The following SLC13A5 variants were observed in gnomAD, a reference collection of about 807,000 sequenced individuals.
SLC13A5 encodes solute carrier family 13 member 5, also known as Na(+)/citrate cotransporter.
In SLC13A5, 25 loss-of-function variants were observed where a neutral mutation model predicts 56.5. The ratio of observed to expected loss-of-function variants is 0.44; its 90% CI spans 0.32 to 0.62. SLC13A5 has a LOEUF of 0.62. Ranked by LOEUF, SLC13A5 falls within the 20% of genes least tolerant of loss-of-function variation. SLC13A5 has a pLI of 0.04. For synonymous variants in SLC13A5, 307 were observed against 301.5 expected, an observed-to-expected ratio of 1.02 and a Z score of -0.19; for missense variants, 649 against 737.8, an observed-to-expected ratio of 0.88 and a Z score of 1.39.
Position 6,706,721 on chromosome 17 carries a change from C to T in SLC13A5, c.289G>A (p.Ala97Thr), listed in dbSNP as rs1597676768. Residue 97 changes from alanine (A) to threonine (T), a missense_variant, in exon 3 of 12, where the codon GCC (alanine) becomes ACC (threonine). Ala to Thr is a moderately conservative substitution (Grantham distance 58, BLOSUM62 0). Transcript: ENST00000433363. Reference protein sequence around the residue: ...NMLFLGGLIVAVAVERWNLHK... With the variant: ...NMLFLGGLIVTVAVERWNLHK... Reference sequence around the variant, plus strand: ...AGGTTCCAGCGCTCCACAGCCACGGCCACGATGAGGCCGCCCAGGAACAGC... The same window carrying T: ...AGGTTCCAGCGCTCCACAGCCACGGTCACGATGAGGCCGCCCAGGAACAGC... The T allele has an allele frequency of 1.2e-6, 2 of 1,614,100 alleles. No individual in the cohort carries two copies. Among genetic ancestry groups the T allele is most frequent in the Non-Finnish European group, 1.7e-6 (2 of 1,180,004 alleles).
rs1343665704 is a variant in SLC13A5, at chr17:6,692,579, G to C, written c.1275+465C>G. ...AGGAGGTAAAGAAAGTTATATTTTT[G>C]TGTGTTTTCCAACATGTTCCTCACC... On this transcript the variant is annotated intron_variant, in intron 9 of 11. Transcript: ENST00000433363. This position sits in a 1 kb window ranked among gnomAD's most constrained non-coding sequence, Gnocchi z 5.5. Among the ~76,000 whole-genome samples the C allele has an allele frequency of 6.6e-6, 1 of 152,188 alleles. No individual in the cohort carries two copies. The highest frequency in any genetic ancestry group is 6.5e-5 in the Admixed American group (1 of 15,288).
chr17:6,707,559 G>C (rs148501410), intron 1 of SLC13A5, among the ~76,000 whole-genome samples: 44 of 152,264 alleles, frequency 2.9e-4, no homozygotes, highest in African/African-American at 9.9e-4. Context: ...GGATGGAGAA[G>C]GAAGAAAAGA....
chr17:6,706,695 C>T lies in SLC13A5; in HGVS notation c.315G>A (p.Leu105=). 1 of 1,613,932 alleles carries T rather than the reference C, an allele frequency of 6.2e-7. No individual in the cohort carries two copies. Among genetic ancestry groups the T allele is most frequent in the Non-Finnish European group, 8.5e-7 (1 of 1,179,958 alleles). ...IVAVAVERWN[L]HKRIALRTLL... ...GCGTGCGCAGGGCGATCCTCTTGTG[C>T]AGGTTCCAGCGCTCCACAGCCACGG... The change falls in exon 3 of 12, where the codon CTG becomes CTA. Residue 105 remains leucine, a synonymous_variant. Coordinates refer to ENST00000433363, the MANE Select transcript of SLC13A5 (RefSeq NM_177550.5).
intron 1 of SLC13A5, among the ~76,000 whole-genome samples, chr17:6,708,742 A>G (rs989284417): frequency 5.3e-5 from 8 of 152,334 alleles, no homozygotes; most frequent in Non-Finnish European, 8.8e-5. Flanking sequence ...TCAGGGTACA[A>G]GGTGGAAACC....
Position 6,690,874 on chromosome 17 carries a change from T to C in SLC13A5, c.1342A>G (p.Ile448Val). The C allele has an allele frequency of 6.2e-7, 1 of 1,614,224 alleles. No homozygotes were observed. Among genetic ancestry groups the C allele is most frequent in the Non-Finnish European group, 8.5e-7 (1 of 1,180,034 alleles). The change falls in exon 10 of 12, where the codon ATC becomes GTC. Residue 448 changes from isoleucine to valine, a missense_variant. Coordinates refer to ENST00000433363, the MANE Select transcript of SLC13A5 (RefSeq NM_177550.5). Reference protein sequence around the residue: ...EPLHAVPPAAITLILSLLVAV... With the variant: ...EPLHAVPPAAVTLILSLLVAV... Reference sequence around the variant, plus strand: ...ACGAGCAAGGACAAGATCAAGGTGATGGCTGCCGGGGGCACTGCGTGCAAG... The same window carrying C: ...ACGAGCAAGGACAAGATCAAGGTGACGGCTGCCGGGGGCACTGCGTGCAAG...
rs1973223072 is a variant in SLC13A5, at chr17:6,685,618, CAGG to C, written c.*586_*588del. 1 of 154,416 alleles carries C rather than the reference CAGG, an allele frequency of 6.5e-6. No individual in the cohort carries two copies. Among genetic ancestry groups the C allele is most frequent in the Non-Finnish European group, 1.4e-5 (1 of 69,362 alleles). The allele number at this position is 154,416 out of a possible 1,614,324, so 9.6% of individuals were successfully genotyped here. ...ATTCCTCATCCTTTGGTGGTGGCCACAGGAGGAGTTCCCAGAGGCTTCAGGAGG... is the reference window on the plus strand; with the variant it reads ...ATTCCTCATCCTTTGGTGGTGGCCACAGGAGTTCCCAGAGGCTTCAGGAGG... On this transcript the variant is annotated 3_prime_UTR_variant, in exon 12 of 12. Coordinates refer to ENST00000433363, the MANE Select transcript of SLC13A5 (RefSeq NM_177550.5). This position sits in a 1 kb window ranked among gnomAD's most constrained non-coding sequence, Gnocchi z 4.2.
Position 6,706,676 on chromosome 17 carries a change from G to A in SLC13A5, c.334C>T (p.Arg112Cys), listed in dbSNP as rs372771266. The change falls in exon 3 of 12, where the codon CGC becomes TGC. Residue 112 changes from arginine (R) to cysteine (C), a missense_variant. By Grantham distance (180) the Arg-to-Cys change is radical. Transcript: ENST00000433363. The part of the protein sequence containing the change: ...RWNLHKRIAL[R>C]TLLWVGAKPA... ...TTGGCCCCCACCCAGAGGAGCGTGCGCAGGGCGATCCTCTTGTGCAGGTTC... is the reference window on the plus strand; with the variant it reads ...TTGGCCCCCACCCAGAGGAGCGTGCACAGGGCGATCCTCTTGTGCAGGTTC... 4.5e-5 allele frequency: 73 copies of A among 1,613,728 alleles called. No homozygotes were observed. Among genetic ancestry groups the A allele is most frequent in the Non-Finnish European group, 5.5e-5 (65 of 1,179,946 alleles).
At chr17:6,698,409 G>T (rs1172694839) in intron 6 of SLC13A5, among the ~76,000 whole-genome samples, 1 of 152,238 alleles carries the variant, frequency 6.6e-6, no homozygotes, top group Non-Finnish European at 1.5e-5. Flanking sequence ...AGAAGCTGAT[G>T]GTGCCCTTGC....
rs1248559948 is a variant in SLC13A5, at chr17:6,711,653, CTG to C, written c.102+1577_102+1578del. Among the ~76,000 whole-genome samples, 2 of 146,552 alleles carry C rather than the reference CTG, an allele frequency of 1.4e-5. No homozygotes were observed. Among genetic ancestry groups the C allele is most frequent in the East Asian group, 2.0e-4 (1 of 4,986 alleles). On this transcript the variant is annotated intron_variant, in intron 1 of 11. Coordinates refer to ENST00000433363, the MANE Select transcript of SLC13A5 (RefSeq NM_177550.5). The surrounding 1 kb of genome is among the most constrained non-coding windows in gnomAD (Gnocchi z 4.0). ...GTTTGTGCGTGTGTTTTGTGTGTGT[CTG>C]TGTGTTTGTGTGTGTGTCTGTGTGT...
rs11869296 is a variant in SLC13A5, at chr17:6,695,637, C to G, written c.1055+89G>C. The G allele has an allele frequency of 2.1e-3, 2,852 of 1,344,906 alleles. 43 individuals are homozygous for G. The African/African-American group carries it at 0.035, about 17-fold the overall frequency. 83.3% of individuals were successfully genotyped at this position (1,344,906 alleles called of 1,614,324 possible). A position where few individuals can be genotyped will look rare whatever the true frequency, so the allele number is the denominator to read the frequency against. On this transcript the variant is annotated intron_variant, in intron 7 of 11. Transcript: ENST00000433363. Reference sequence around the variant, plus strand: ...ATCTCCTGACCTCAAGTGACCCACCCACCTCAGCCTCCCAAAGTGCTGGGA... The same window carrying G: ...ATCTCCTGACCTCAAGTGACCCACCGACCTCAGCCTCCCAAAGTGCTGGGA...
At position 6,699,764 on chromosome 17, in the gene SLC13A5, C is replaced by G. The variant is rs544310181; in HGVS notation, c.839+1240G>C. On this transcript the variant is annotated intron_variant, in intron 6 of 11. Transcript: ENST00000433363. ...GGGATTTCAGGCGTGGGCTACCACG[C>G]CCGGCTAATTTTTGTATTTTTAGTA... Among the ~76,000 whole-genome samples the G allele has an allele frequency of 4.2e-3, 641 of 152,278 alleles. 7 individuals carry two copies. The highest frequency in any genetic ancestry group is 0.014 in the African/African-American group (601 of 41,556).
At chr17:6,702,316 C>T (rs1039036425) in intron 5 of SLC13A5, among the ~76,000 whole-genome samples, 8 of 152,212 alleles carry the variant, frequency 5.3e-5, no homozygotes, top group African/African-American at 1.9e-4. Context: ...ATGACTACCC[C>T]GCGGCAGGGC....
At position 6,695,707 on chromosome 17, in the gene SLC13A5, T is replaced by C. The variant is rs1567617688; in HGVS notation, c.1055+19A>G. On this transcript the variant is annotated intron_variant, in intron 7 of 11. Coordinates refer to ENST00000433363, the MANE Select transcript of SLC13A5 (RefSeq NM_177550.5). ...CGCCTGGCCCTAAGCCAGCGATTTC[T>C]ATTGAATCCAAGACTTACTTTGTCT... 6.2e-7 allele frequency: 1 copy of C among 1,613,474 alleles called. No individual in the cohort carries two copies. The highest frequency in any genetic ancestry group is 8.5e-7 in the Non-Finnish European group (1 of 1,179,494).
intron 3 of SLC13A5, 45 bp from the exon 4 acceptor site, chr17:6,704,101 A>ACCC (rs777944751): frequency 1.9e-6 from 3 of 1,568,980 alleles, no homozygotes; most frequent in Non-Finnish European, 2.6e-6. Flanking sequence ...TCCCCACCCC[A>ACCC]CCCCCGTACT....
intron 1 of SLC13A5, among the ~76,000 whole-genome samples, chr17:6,709,403 G>A (rs755215963): frequency 1.3e-5 from 2 of 152,048 alleles, no homozygotes; most frequent in Non-Finnish European, 2.9e-5. Context: ...CTGAGTAGCT[G>A]GGACTACAGA....
At chr17:6,704,094 C>G (rs764764236) in intron 3 of SLC13A5, 38 bp from the exon 4 acceptor site, 11 of 1,581,802 alleles carry the variant, frequency 7.0e-6, no homozygotes, top group Admixed American at 1.8e-5. Context: ...CAGAGAATCC[C>G]CACCCCACCC....
At position 6,693,091 on chromosome 17, in the gene SLC13A5, T is replaced by A. The variant is rs775694496; in HGVS notation, c.1228A>T (p.Ile410Phe). Reference sequence around the variant, plus strand: ...AATCCGCCCCCTAGTAGCAGCACGATGCCCCAGGGCACTTTCTCCTGGGTT... The same window carrying A: ...AATCCGCCCCCTAGTAGCAGCACGAAGCCCCAGGGCACTTTCTCCTGGGTT... ...KVTQEKVPWG[I>F]VLLLGGGFAL... Residue 410 changes from isoleucine (I) to phenylalanine (F), a missense_variant, in exon 9 of 12, where the codon ATC becomes TTC. Physicochemically the swap from Ile to Phe is conservative, Grantham distance 21. Transcript: ENST00000433363. The A allele has an allele frequency of 6.2e-7, 1 of 1,613,910 alleles. No individual in the cohort carries two copies. The highest frequency in any genetic ancestry group is 8.5e-7 in the Non-Finnish European group (1 of 1,179,992).
In SLC13A5 at chr17:6,694,159, G is replaced by A. The variant is rs760586654; in HGVS notation, c.1094C>T (p.Thr365Ile). The change falls in exon 8 of 12, where the codon ACC (threonine) becomes ATC (isoleucine). Residue 365 changes from threonine to isoleucine, a missense_variant. Physicochemically the swap from Thr to Ile is moderately conservative, Grantham distance 89. Coordinates refer to ENST00000433363, the MANE Select transcript of SLC13A5 (RefSeq NM_177550.5). Reference protein sequence around the residue: ...SDATVAIFVATLLFIVPSQKP... With the variant: ...SDATVAIFVAILLFIVPSQKP... ...CTGTGAAGGCACAATGAATAGCAGG[G>A]TGGCCACAAAGATGGCCACAGTGGC... 4.3e-6 allele frequency: 7 copies of A among 1,613,340 alleles called. No homozygotes were observed. In the South Asian group the frequency reaches 4.4e-5, roughly 10 times the overall value.
chr17:6,686,493 G>T, intron 11 of SLC13A5, 155 bp from the exon 12 acceptor site: 2 of 836,324 alleles, frequency 2.4e-6, no homozygotes, highest in Non-Finnish European at 3.7e-6. Flanking sequence ...GCGACTTCAT[G>T]TCCCCCAGGT....
Sources: allele counts gnomAD v4.1 joint callset (sites outside exome capture counted in the v4.1 genomes callset), GRCh38; gene constraint gnomAD v4.1.1; non-coding constraint Gnocchi (gnomAD v3.1); transcripts MANE v1.5; gene names NCBI Gene and HGNC (gene_info 2026-07-23, HGNC 2026-07-21).